The following GMFB variants were observed in gnomAD, a reference collection of about 807,000 sequenced individuals.
GMFB encodes the protein GMF-beta.
In GMFB, 13 loss-of-function variants were observed where a neutral mutation model predicts 25.6. The ratio of observed to expected loss-of-function variants is 0.51; its 90% CI spans 0.33 to 0.81. GMFB has a LOEUF of 0.81. Among genes scored for constraint, GMFB ranks in the 30% least tolerant of loss-of-function variants. The pLI is 0.02. For missense variants in GMFB, 146 were observed against 175.4 expected, an observed-to-expected ratio of 0.83 and a Z score of 0.95; for synonymous variants, 57 against 56.9, an observed-to-expected ratio of 1.00 and a Z score of 0.00.
intron 1 of GMFB, among the ~76,000 whole-genome samples, chr14:54,488,097 T>G (rs1039591872): frequency 5.3e-5 from 8 of 152,344 alleles, no homozygotes; most frequent in African/African-American, 1.4e-4. Context: ...ACAAGATCTA[T>G]TCGATGAAAG....
At chr14:54,479,681 T>A in intron 6 of GMFB, 105 bp downstream of exon 6, 1 of 640,492 alleles carries the variant, frequency 1.6e-6, no homozygotes, top group South Asian at 1.9e-5. Context: ...CTGGTCTAAA[T>A]AACCTTCACC....
rs565610741 is a variant in GMFB, at chr14:54,476,564, T to G, written c.*1524A>C. Reference sequence around the variant, plus strand: ...CCAAAACAAACACCTACTCTAGCACTTCCTCATCTCCAACTTTCTATTGCT... The same window carrying G: ...CCAAAACAAACACCTACTCTAGCACGTCCTCATCTCCAACTTTCTATTGCT... On this transcript the variant is annotated 3_prime_UTR_variant, in exon 7 of 7. Coordinates refer to ENST00000358056, the MANE Select transcript of GMFB (RefSeq NM_004124.3). 6.6e-6 allele frequency: 1 copy of G among 152,060 alleles called. No individual in the cohort carries two copies. The highest frequency in any genetic ancestry group is 1.5e-5 in the Non-Finnish European group (1 of 67,912). The allele number at this position is 152,060 out of a possible 1,614,324, so 9.4% of individuals were successfully genotyped here. A position where few individuals can be genotyped will look rare whatever the true frequency, so the allele number is the denominator to read the frequency against.
At chr14:54,483,973 T>C in intron 1 of GMFB, 1 of 666,708 alleles carries the variant, frequency 1.5e-6, no homozygotes, top group Non-Finnish European at 2.8e-6. Context: ...TTTGTTCATC[T>C]CATATATGTA....
chr14:54,485,534 G>T (rs1594635104), intron 1 of GMFB, among the ~76,000 whole-genome samples: 1 of 152,038 alleles, frequency 6.6e-6, no homozygotes, highest in Non-Finnish European at 1.5e-5. Flanking sequence ...TACAAAAATG[G>T]AAAGATTCCA....
At chr14:54,488,440 G>A (rs1038051277) in intron 1 of GMFB, among the ~76,000 whole-genome samples, 2 of 152,258 alleles carry the variant, frequency 1.3e-5, no homozygotes, top group African/African-American at 4.8e-5. Context: ...AAGAAGCTAA[G>A]GTGAGGCCGA....
chr14:54,484,273 A>G (rs1379104968), intron 1 of GMFB, among the ~76,000 whole-genome samples: 1 of 152,048 alleles, frequency 6.6e-6, no homozygotes, highest in African/African-American at 2.4e-5. Context: ...GTAAAGACCA[A>G]TAATATTTTA....
rs760315736 is a variant in GMFB, at chr14:54,481,451, G to A, written c.158C>T (p.Ser53Leu). Reference protein sequence around the residue: ...VVLDEELEGISPDELKDELPE... With the variant: ...VVLDEELEGILPDELKDELPE... The stretch of plus-strand genomic sequence containing the variant: ...TAGTTCATCTTTAAGTTCATCTGGT[G>A]AAATGCCCTGGCACCACAGAGAAAA... Residue 53 changes from serine (S) to leucine (L), a missense_variant, in exon 4 of 7, where the codon TCA becomes TTA. Ser to Leu is a moderately radical substitution (Grantham distance 145). Transcript: ENST00000358056. The A allele has an allele frequency of 2.3e-5, 37 of 1,607,722 alleles. No individual in the cohort carries two copies. Among genetic ancestry groups the A allele is most frequent in the Middle Eastern group, 1.6e-4 (1 of 6,070 alleles).
Position 54,480,719 on chromosome 14 carries a change from T to G in GMFB, c.283+155A>C, listed in dbSNP as rs368112019. The G allele has an allele frequency of 1.9e-3, 1,038 of 535,328 alleles. 24 individuals are homozygous for G. In the South Asian group the frequency reaches 0.026, roughly 13 times the overall value. The allele number at this position is 535,328 out of a possible 1,614,324, so 33.2% of individuals were successfully genotyped here. ...ATGCTTCATTCTTTCTAGGGATGCA[T>G]GCACACAGGCACATGGACACACATA... is the stretch of plus-strand genomic sequence containing the variant. On this transcript the variant is annotated intron_variant, in intron 5 of 6. Transcript: ENST00000358056.
At chr14:54,487,617 G>A (rs2031805178) in intron 1 of GMFB, among the ~76,000 whole-genome samples, 2 of 152,232 alleles carry the variant, frequency 1.3e-5, no homozygotes, top group Non-Finnish European at 2.9e-5. Context: ...GGAGGCTGAG[G>A]CAGGAGAACT....
At chr14:54,483,609 T>C in intron 2 of GMFB, 62 bp downstream of exon 2, 2 of 826,370 alleles carry the variant, frequency 2.4e-6, no homozygotes, top group Non-Finnish European at 4.1e-6. Flanking sequence ...TCATTCAATG[T>C]AGCTACAAGA....
At chr14:54,481,541 A>G in intron 3 of GMFB, 83 bp from the exon 4 acceptor site, 1 of 835,588 alleles carries the variant, frequency 1.2e-6, no homozygotes, top group Non-Finnish European at 2.0e-6. Context: ...CATTCTACTA[A>G]CAGTTATAAA....
intron 4 of GMFB, 65 bp downstream of exon 4, chr14:54,481,344 T>C: frequency 4.8e-6 from 5 of 1,031,962 alleles, no homozygotes; most frequent in Non-Finnish European, 7.6e-6. Context: ...GTTTAACAAA[T>C]GAGCTCACAA....
At chr14:54,481,574 TA>T in intron 3 of GMFB, 116 bp from the exon 4 acceptor site, 1 of 669,428 alleles carries the variant, frequency 1.5e-6, no homozygotes. Flanking sequence ...TGCTACAAAA[TA>T]AAATTTTATC....
In GMFB at chr14:54,484,710, C is replaced by T. The variant is rs569562342; in HGVS notation, c.4-943G>A. ...GAACAGCATTACCCTGATACCACAACCAGACAAGTATACAACAACAAAAAA... is the reference window on the plus strand; with the variant it reads ...GAACAGCATTACCCTGATACCACAATCAGACAAGTATACAACAACAAAAAA... On this transcript the variant is annotated intron_variant, in intron 1 of 6. Transcript: ENST00000358056. 1.8e-4 allele frequency among the ~76,000 whole-genome samples: 28 copies of T among 152,166 alleles called. No individual in the cohort carries two copies. The South Asian group carries it at 5.6e-3, about 30-fold the overall frequency.
rs370487709 is a variant in GMFB, at chr14:54,481,430, T to C, written c.179A>G (p.Glu60Gly). ...EGISPDELKD[E>G]LPERQPRFIV... is the part of the protein sequence containing the mutation. ...ATATCGAGGTTGTCGTTCAGGTAGT[T>C]CATCTTTAAGTTCATCTGGTGAAAT... The change falls in exon 4 of 7, where the codon GAA becomes GGA. Residue 60 changes from glutamate to glycine, a missense_variant. Transcript: ENST00000358056. 7 of 1,609,054 alleles carry C rather than the reference T, an allele frequency of 4.4e-6. No individual in the cohort carries two copies. In the African/African-American group the frequency reaches 9.4e-5, roughly 22 times the overall value.
At chr14:54,479,907 G>C in intron 5 of GMFB, 48 bp from the exon 6 acceptor site, 1 of 1,040,126 alleles carries the variant, frequency 9.6e-7, no homozygotes, top group Non-Finnish European at 1.5e-6. Context: ...TTTTGAGAAA[G>C]GTATGGGTTA....
intron 3 of GMFB, 37 bp from the exon 4 acceptor site, chr14:54,481,495 C>T (rs1211719382): frequency 1.4e-6 from 2 of 1,469,420 alleles, no homozygotes; most frequent in Non-Finnish European, 9.5e-7. Context: ...TAAACATTTT[C>T]TTACCCATAA....
intron 1 of GMFB, among the ~76,000 whole-genome samples, chr14:54,488,432 G>T: frequency 6.6e-6 from 1 of 152,254 alleles, no homozygotes; most frequent in East Asian, 1.9e-4. Context: ...CAGAGAGAAA[G>T]AAGCTAAGGT....
chr14:54,488,476 T>A (rs1311944286), intron 1 of GMFB: 1 of 166,478 alleles, frequency 6.0e-6, no homozygotes, highest in Non-Finnish European at 1.3e-5. Context: ...ATTCGAGTCC[T>A]CCCCCAAAAC....
Sources: allele counts gnomAD v4.1 joint callset (sites outside exome capture counted in the v4.1 genomes callset), GRCh38; gene constraint gnomAD v4.1.1; transcripts MANE v1.5; gene names NCBI Gene and HGNC (gene_info 2026-07-23, HGNC 2026-07-21).